The following UGGT2 variants were observed in gnomAD, a reference collection of about 807,000 sequenced individuals.
UGGT2 encodes UDP-glucose:glycoprotein glucosyltransferase 2.
In UGGT2, 180 loss-of-function variants were observed where a neutral mutation model predicts 192.1. The observed-to-expected ratio is 0.94, with a 90% CI of 0.83 to 1.06. UGGT2 has a LOEUF of 1.06. Among genes scored for constraint, UGGT2 ranks in the 50% least tolerant of loss-of-function variants. The pLI, the probability that UGGT2 is intolerant of heterozygous loss-of-function variation, is 0.00. For synonymous variants in UGGT2, 580 were observed against 591.0 expected, an observed-to-expected ratio of 0.98 and a Z score of 0.27; for missense variants, 1,849 against 1,795.7, an observed-to-expected ratio of 1.03 and a Z score of -0.54.
At chr13:96,035,814 A>C (rs1258105245) in intron 1 of UGGT2, among the ~76,000 whole-genome samples, 1 of 152,218 alleles carries the variant, frequency 6.6e-6, no homozygotes, top group Non-Finnish European at 1.5e-5. Context: ...AAAAAGCTCC[A>C]CATCACTGAT....
chr13:95,845,227 C>T (rs997128006), intron 36 of UGGT2, among the ~76,000 whole-genome samples: 3 of 151,346 alleles, frequency 2.0e-5, no homozygotes, highest in Non-Finnish European at 4.4e-5. Flanking sequence ...TCTCGGAGAG[C>T]GGGATTTGGC....
chr13:95,911,544 G>C (rs574797286), intron 20 of UGGT2, among the ~76,000 whole-genome samples: 1 of 152,120 alleles, frequency 6.6e-6, no homozygotes, highest in Non-Finnish European at 1.5e-5. Flanking sequence ...GGAAGAAGCT[G>C]AATCTCTGAA....
rs1395964380 is a variant in UGGT2 at position 96,010,563 on chromosome 13, G to A, written c.660+2744C>T. 2.0e-5 allele frequency among the ~76,000 whole-genome samples: 3 copies of A among 151,364 alleles called. No individual in the cohort carries two copies. The East Asian group carries it at 5.8e-4, about 29-fold the overall frequency. On this transcript the variant is annotated intron_variant, in intron 5 of 38. Coordinates refer to ENST00000376747, the MANE Select transcript of UGGT2 (RefSeq NM_020121.4). The stretch of plus-strand genomic sequence containing the variant: ...CTAGAAGTCTTAATCATTAAAATAA[G>A]GTTAAAAAAAAATAAATGGCATATA...
At chr13:95,925,635 A>C (rs760621139) in intron 20 of UGGT2, 45 bp downstream of exon 20, 1 of 1,288,394 alleles carries the variant, frequency 7.8e-7, no homozygotes, top group South Asian at 1.8e-5. Context: ...CTTTCCTTAA[A>C]TTGAAATAAA....
intron 29 of UGGT2, 81 bp downstream of exon 29, chr13:95,877,198 T>A: frequency 8.5e-7 from 1 of 1,178,588 alleles, no homozygotes; most frequent in South Asian, 1.7e-5. Context: ...AACATTTTAA[T>A]TGTTGTTTTG....
At chr13:95,954,869 T>G (rs2050167915) in intron 12 of UGGT2, among the ~76,000 whole-genome samples, 1 of 152,184 alleles carries the variant, frequency 6.6e-6, no homozygotes, top group African/African-American at 2.4e-5. Flanking sequence ...TTCAAATATT[T>G]TACAGAATTT....
At chr13:95,990,819 CACCCATCA>C (rs1332119159) in intron 7 of UGGT2, 2 of 152,196 alleles carry the variant, frequency 1.3e-5, no homozygotes, top group Admixed American at 6.5e-5. Flanking sequence ...TGGTCTGCTG[CACCCATCA>C]ACCCGTTATC....
At chr13:95,809,860 A>C (rs1018708835) in intron 38 of UGGT2, among the ~76,000 whole-genome samples, 3 of 152,246 alleles carry the variant, frequency 2.0e-5, no homozygotes, top group African/African-American at 7.2e-5. Flanking sequence ...AAGTTGTCAC[A>C]TAATGACTTT....
At chr13:95,969,896 G>A (rs557023686) in intron 12 of UGGT2, among the ~76,000 whole-genome samples, 2 of 152,334 alleles carry the variant, frequency 1.3e-5, no homozygotes, top group East Asian at 3.9e-4. Flanking sequence ...CACTGAATGA[G>A]ATTGAGTAGG....
intron 15 of UGGT2, 151 bp from the exon 16 acceptor site, chr13:95,940,242 A>G (rs1174926140): frequency 8.2e-6 from 4 of 487,392 alleles, no homozygotes; most frequent in Non-Finnish European, 1.3e-5. Flanking sequence ...TTTTAACCAT[A>G]TATCATCTTT....
At chr13:95,886,183 A>G (rs1430198785) in intron 26 of UGGT2, among the ~76,000 whole-genome samples, 1 of 152,302 alleles carries the variant, frequency 6.6e-6, no homozygotes, top group African/African-American at 2.4e-5. Context: ...AGGAAGGCTG[A>G]GGAAGTATAG....
At chr13:95,876,644 T>C (rs1891710915) in intron 29 of UGGT2, among the ~76,000 whole-genome samples, 1 of 152,186 alleles carries the variant, frequency 6.6e-6, no homozygotes, top group South Asian at 2.1e-4. Flanking sequence ...TGTATCAGGT[T>C]GAGGAAGGAG....
chr13:95,933,406 T>A (rs1210270340), intron 17 of UGGT2, among the ~76,000 whole-genome samples: 1 of 152,186 alleles, frequency 6.6e-6, no homozygotes, highest in Non-Finnish European at 1.5e-5. Context: ...TCAGTTGTAA[T>A]GTCACCTTTG....
intron 7 of UGGT2, among the ~76,000 whole-genome samples, chr13:95,992,288 GC>G (rs2140904273): frequency 6.6e-6 from 1 of 152,294 alleles, no homozygotes; most frequent in East Asian, 1.9e-4. Context: ...TGGCAGTATG[GC>G]CATTTTAATG....
At chr13:95,918,820 A>C (rs1469168423) in intron 20 of UGGT2, among the ~76,000 whole-genome samples, 1 of 152,152 alleles carries the variant, frequency 6.6e-6, no homozygotes, top group African/African-American at 2.4e-5. Context: ...TATCATTTCT[A>C]CTGAAACTAT....
At chr13:95,935,185 C>T (rs2049422231) in intron 17 of UGGT2, among the ~76,000 whole-genome samples, 1 of 152,084 alleles carries the variant, frequency 6.6e-6, no homozygotes. Context: ...GCACTTAGGC[C>T]ATTTATATTC....
chr13:96,021,150 A>G (rs1033905145), intron 4 of UGGT2, among the ~76,000 whole-genome samples: 5 of 152,164 alleles, frequency 3.3e-5, no homozygotes, highest in Non-Finnish European at 7.4e-5. Flanking sequence ...TCATTCCTCA[A>G]GGTTGCTCAC....
intron 36 of UGGT2, among the ~76,000 whole-genome samples, chr13:95,845,323 C>T (rs959406030): frequency 4.2e-5 from 6 of 141,616 alleles, no homozygotes; most frequent in Non-Finnish European, 6.2e-5. Flanking sequence ...AGGGCCCTGC[C>T]GCCTTCCGCA....
chr13:95,883,667 T>C (rs1198989460), intron 27 of UGGT2, among the ~76,000 whole-genome samples: 1 of 152,150 alleles, frequency 6.6e-6, no homozygotes, highest in Non-Finnish European at 1.5e-5. Context: ...CGTGATGCCA[T>C]GATTGCTTCT....
Sources: gnomAD v4.1 joint callset for allele counts (sites outside exome capture counted in the v4.1 genomes callset) on GRCh38, gnomAD v4.1.1 for gene constraint, MANE v1.5 for transcripts, NCBI Gene and HGNC (gene_info 2026-07-23, HGNC 2026-07-21) for gene names.